The following PSD3 variants were observed in gnomAD, a reference collection of about 807,000 sequenced individuals.
PSD3 encodes the protein pleckstrin and Sec7 domain containing 3.
In PSD3, 49 loss-of-function variants were observed where a neutral mutation model predicts 105.5. The observed-to-expected ratio is 0.46, with a 90% CI of 0.37 to 0.59. The LOEUF (loss-of-function observed/expected upper bound fraction) is 0.59. Among genes scored for constraint, PSD3 ranks in the 20% least tolerant of loss-of-function variants. The pLI, the probability that PSD3 is intolerant of heterozygous loss-of-function variation, is 0.00. For synonymous variants in PSD3, 557 were observed against 457.8 expected (o/e 1.22, Z -2.77); for missense variants, 1,561 against 1,263.8 (o/e 1.24, Z -3.57).
intron 1 of PSD3, among the ~76,000 whole-genome samples, chr8:19,044,046 C>T (rs1828227912): frequency 1.3e-5 from 2 of 152,202 alleles, no homozygotes; most frequent in South Asian, 2.1e-4. Context: ...CCTGCCCCTA[C>T]TGCACAGGCC....
At chr8:18,536,996 G>A (rs1220774144) in intron 15 of PSD3, among the ~76,000 whole-genome samples, 7 of 152,154 alleles carry the variant, frequency 4.6e-5, no homozygotes, top group Non-Finnish European at 7.4e-5. Flanking sequence ...CTATACATCC[G>A]TCTTAGGGAT....
At chr8:18,940,549 T>A (rs557814316) in intron 1 of PSD3, 17 of 152,342 alleles carry the variant, frequency 1.1e-4, no homozygotes, top group Admixed American at 9.8e-4. Context: ...ATACTCCACC[T>A]TGCTAAATAA....
intron 7 of PSD3, among the ~76,000 whole-genome samples, chr8:18,800,512 T>C (rs1008491088): frequency 3.9e-5 from 6 of 152,314 alleles, no homozygotes; most frequent in Middle Eastern, 3.4e-3. Context: ...TACTCCATCA[T>C]CTGTAAGTTT....
At chr8:18,726,674 A>T (rs1159769856) in intron 9 of PSD3, among the ~76,000 whole-genome samples, 1 of 152,126 alleles carries the variant, frequency 6.6e-6, no homozygotes, top group East Asian at 1.9e-4. Context: ...CATCTTTATA[A>T]CCCCTAGAAC....
intron 4 of PSD3, among the ~76,000 whole-genome samples, chr8:18,849,988 T>C (rs1280579154): frequency 6.6e-6 from 1 of 152,254 alleles, no homozygotes; most frequent in Non-Finnish European, 1.5e-5. Context: ...TTCTTGTTTA[T>C]CTTTTCAGCA....
chr8:18,796,395 T>A (rs1296568297), intron 8 of PSD3, among the ~76,000 whole-genome samples: 2 of 152,120 alleles, frequency 1.3e-5, no homozygotes, highest in Non-Finnish European at 2.9e-5. Context: ...TCACCTCTGA[T>A]CCTTACCCAA....
rs74831074 is a variant in PSD3, at chr8:19,045,497, T to C, written c.324+38709A>G. On this transcript the variant is annotated intron_variant, in intron 1 of 1. Transcript: ENST00000521475. The stretch of plus-strand genomic sequence containing the variant: ...TTCCTGGACAAACAATAAGCATTTC[T>C]AAGCAACAGCACAGATCTCTTGAAA... Among the ~76,000 whole-genome samples, 231 of 152,342 alleles carry C rather than the reference T, an allele frequency of 1.5e-3. No individual in the cohort carries two copies. The East Asian group carries it at 0.022, about 14-fold the overall frequency.
intron 9 of PSD3, among the ~76,000 whole-genome samples, chr8:18,719,165 A>G (rs1414061232): frequency 6.6e-6 from 1 of 152,178 alleles, no homozygotes; most frequent in Non-Finnish European, 1.5e-5. Flanking sequence ...TGGCCAATAA[A>G]CGAGTGTCTA....
At chr8:19,033,165 A>G (rs61636004) in intron 1 of PSD3, among the ~76,000 whole-genome samples, 16,434 of 152,146 alleles carry the variant, frequency 0.11, 1,095 homozygotes, top group East Asian at 0.23. Flanking sequence ...TTCTGAATCC[A>G]TTTGGTTCAG....
rs766076707 is a variant in PSD3, at chr8:18,936,119, G to C, written c.45C>G (p.Asn15Lys). The change falls in exon 2 of 16, where the codon AAC (asparagine) becomes AAG (lysine). Residue 15 changes from asparagine to lysine, a missense_variant. Asn to Lys is a moderately conservative substitution (Grantham distance 94, BLOSUM62 0). Transcript: ENST00000327040. ...SAAAETFVWV[N>K]NASAHSQSVA... is the part of the protein sequence containing the mutation. Reference sequence around the variant, plus strand: ...CACTCTGGGAATGTGCAGATGCATTGTTCACCCAAACAAATGTCTCTGCCT... The same window carrying C: ...CACTCTGGGAATGTGCAGATGCATTCTTCACCCAAACAAATGTCTCTGCCT... 1.2e-6 allele frequency: 2 copies of C among 1,612,364 alleles called. No individual in the cohort carries two copies. Among genetic ancestry groups the C allele is most frequent in the East Asian group, 4.5e-5 (2 of 44,862 alleles).
chr8:18,619,896 C>A (rs1805978204), intron 11 of PSD3, among the ~76,000 whole-genome samples: 1 of 152,186 alleles, frequency 6.6e-6, no homozygotes, highest in African/African-American at 2.4e-5. Context: ...AAATTAACAT[C>A]TTTGGAGAAT....
chr8:18,879,574 A>T lies in PSD3; in HGVS notation c.131-6841T>A, dbSNP rs189327605. ...ACTCAGGGACACTGAACCGTGAGAG[A>T]TCATCATTCATCATTGCTTTTTTTT... On this transcript the variant is annotated intron_variant, in intron 2 of 15. Transcript: ENST00000327040. 1.9e-4 allele frequency among the ~76,000 whole-genome samples: 29 copies of T among 151,958 alleles called. No homozygotes were observed. In the East Asian group the frequency reaches 4.7e-3, roughly 25 times the overall value.
intron 9 of PSD3, among the ~76,000 whole-genome samples, chr8:18,672,826 T>C (rs933650191): frequency 6.6e-6 from 1 of 152,172 alleles, no homozygotes; most frequent in Non-Finnish European, 1.5e-5. Context: ...AGATGAAACC[T>C]TTTGCTTTTC....
chr8:18,975,551 T>C (rs991405162), intron 1 of PSD3, among the ~76,000 whole-genome samples: 27 of 152,170 alleles, frequency 1.8e-4, no homozygotes, highest in Admixed American at 1.6e-3. Flanking sequence ...AAGATTAAAA[T>C]AGAAAGAGTA....
At chr8:18,672,810 T>C (rs1403121907) in intron 9 of PSD3, among the ~76,000 whole-genome samples, 1 of 152,180 alleles carries the variant, frequency 6.6e-6, no homozygotes, top group African/African-American at 2.4e-5. Context: ...TATAAAGTCT[T>C]GGAAGAGATG....
At chr8:18,718,151 C>A (rs563936115) in intron 9 of PSD3, among the ~76,000 whole-genome samples, 7 of 152,224 alleles carry the variant, frequency 4.6e-5, no homozygotes, top group Non-Finnish European at 1.0e-4. Context: ...AGCTGCCACA[C>A]CCCTACCCTG....
chr8:18,785,841 C>G (rs1051784872), intron 8 of PSD3, among the ~76,000 whole-genome samples: 2 of 152,064 alleles, frequency 1.3e-5, no homozygotes, highest in African/African-American at 4.8e-5. Flanking sequence ...CCTGAGGAGA[C>G]AGAGATGGGG....
intron 4 of PSD3, among the ~76,000 whole-genome samples, chr8:18,865,778 ATGC>A (rs1447337119): frequency 4.6e-5 from 7 of 152,180 alleles, no homozygotes. Flanking sequence ...TGGTTTGACA[ATGC>A]AGGTGACACA....
intron 9 of PSD3, among the ~76,000 whole-genome samples, chr8:18,713,129 G>C (rs1321727993): frequency 6.6e-6 from 1 of 151,980 alleles, no homozygotes; most frequent in South Asian, 2.1e-4. Context: ...TTGAAGGAAC[G>C]TACCTCAAAA....
Sources: gnomAD v4.1 joint callset for allele counts (sites outside exome capture counted in the v4.1 genomes callset) on GRCh38, gnomAD v4.1.1 for gene constraint, MANE v1.5 for transcripts, NCBI Gene and HGNC (gene_info 2026-07-23, HGNC 2026-07-21) for gene names.